Variants in YIPF4 observed in about 807,000 individuals in gnomAD.
YIPF4 encodes the protein protein YIPF4.
Under a neutral mutation model 29.4 loss-of-function variants are expected in YIPF4, and 18 were observed. The observed-to-expected ratio is 0.61, with a 90% CI of 0.42 to 0.91. YIPF4 has a LOEUF of 0.91. Ranked by LOEUF, YIPF4 falls within the 40% of genes least tolerant of loss-of-function variation. The pLI, the probability that YIPF4 is intolerant of heterozygous loss-of-function variation, is 0.00. For synonymous variants in YIPF4, 115 were observed against 104.7 expected (o/e 1.10, Z -0.60); for missense variants, 279 against 282.7 (o/e 0.99, Z 0.09).
chr2:32,293,895 A>C (rs1201099989), intron 3 of YIPF4, among the ~76,000 whole-genome samples: 3 of 88,466 alleles, frequency 3.4e-5, no homozygotes, highest in Admixed American at 1.2e-4. Context: ...CGGGGGGCTG[A>C]CCCCCCCCAC....
intron 1 of YIPF4, among the ~76,000 whole-genome samples, chr2:32,279,556 C>T (rs1000515344): frequency 6.8e-5 from 9 of 131,496 alleles, no homozygotes; most frequent in African/African-American, 1.9e-4. Flanking sequence ...CGCCACCACG[C>T]CCGGCTAATT....
At position 32,316,466 on chromosome 2, in the gene YIPF4, T is replaced by TA. The variant is rs1367386625; in HGVS notation, c.*10841dup. ...AGTATTGGTTGGGATTATAAGCAGA[T>TA]ATGATATTTCACTGATAGAGACCAG... On this transcript the variant is annotated 3_prime_UTR_variant, in exon 6 of 6. Transcript: ENST00000238831. 1.2e-4 allele frequency: 19 copies of TA among 152,214 alleles called. No homozygotes were observed. The highest frequency in any genetic ancestry group is 4.3e-4 in the African/African-American group (18 of 41,458). 9.4% of individuals were successfully genotyped at this position (152,214 alleles called of 1,614,324 possible).
Position 32,305,840 on chromosome 2 carries a change from T to G in YIPF4, c.*214T>G, listed in dbSNP as rs535251785. On this transcript the variant is annotated 3_prime_UTR_variant, in exon 6 of 6. Coordinates refer to ENST00000238831, the MANE Select transcript of YIPF4 (RefSeq NM_032312.4). Reference sequence around the variant, plus strand: ...TTTGGGTCAGAATTTTAAATTCTGTTTGATTCTCCATATTCCAGTGAATAA... The same window carrying G: ...TTTGGGTCAGAATTTTAAATTCTGTGTGATTCTCCATATTCCAGTGAATAA... The G allele has an allele frequency of 4.8e-5, 57 of 1,191,738 alleles. No individual in the cohort carries two copies. The highest frequency in any genetic ancestry group is 5.9e-5 in the Non-Finnish European group (57 of 963,696). The allele number at this position is 1,191,738 out of a possible 1,614,324, so 73.8% of individuals were successfully genotyped here.
chr2:32,287,347 C>G (rs2030722088), intron 1 of YIPF4, among the ~76,000 whole-genome samples: 1 of 152,114 alleles, frequency 6.6e-6, no homozygotes, highest in Non-Finnish European at 1.5e-5. Flanking sequence ...CACATATACA[C>G]AACTCTGGGT....
intron 1 of YIPF4, among the ~76,000 whole-genome samples, chr2:32,285,979 T>C (rs1384468560): frequency 6.6e-6 from 1 of 152,196 alleles, no homozygotes; most frequent in Admixed American, 6.5e-5. Context: ...ATATAGTATG[T>C]AATGGGTGCA....
At chr2:32,299,568 T>TC (rs1448929474) in intron 4 of YIPF4, among the ~76,000 whole-genome samples, 1 of 152,192 alleles carries the variant, frequency 6.6e-6, no homozygotes, top group Non-Finnish European at 1.5e-5. Context: ...ATACCTGTAG[T>TC]CCCAGCACTT....
At chr2:32,283,752 G>T (rs1210514864) in intron 1 of YIPF4, among the ~76,000 whole-genome samples, 2 of 148,294 alleles carry the variant, frequency 1.3e-5, no homozygotes, top group East Asian at 2.0e-4. Context: ...GAGTCTCGCT[G>T]TGTTGCCCGG....
intron 1 of YIPF4, among the ~76,000 whole-genome samples, chr2:32,283,198 T>C (rs1037322829): frequency 1.3e-5 from 2 of 152,204 alleles, no homozygotes; most frequent in African/African-American, 4.8e-5. Context: ...CTGCTTGGGT[T>C]TCAGTGTTAA....
At position 32,277,975 on chromosome 2, in the gene YIPF4, G is replaced by A; in HGVS notation, c.-181G>A. ...TGGTCGCCACCAAGAAGACTTTGGT[G>A]GGGTAGTCTCGGGGCAGCTCAGCGG... On this transcript the variant is annotated 5_prime_UTR_variant, in exon 1 of 6. Coordinates refer to ENST00000238831, the MANE Select transcript of YIPF4 (RefSeq NM_032312.4). 1.8e-6 allele frequency: 1 copy of A among 550,816 alleles called. No homozygotes were observed. Among genetic ancestry groups the A allele is most frequent in the Non-Finnish European group, 3.2e-6 (1 of 316,510 alleles). 34.1% of individuals were successfully genotyped at this position (550,816 alleles called of 1,614,324 possible).
At chr2:32,281,477 A>G (rs1366276397) in intron 1 of YIPF4, among the ~76,000 whole-genome samples, 1 of 152,086 alleles carries the variant, frequency 6.6e-6, no homozygotes, top group East Asian at 1.9e-4. Context: ...CCTGGGCTCA[A>G]GTGATCCACC....
At chr2:32,283,267 G>A (rs1205618615) in intron 1 of YIPF4, among the ~76,000 whole-genome samples, 1 of 151,782 alleles carries the variant, frequency 6.6e-6, no homozygotes, top group African/African-American at 2.4e-5. Context: ...GTACAACTCC[G>A]GGTCTTTTCC....
At chr2:32,284,005 T>C (rs1377601882) in intron 1 of YIPF4, among the ~76,000 whole-genome samples, 1 of 152,150 alleles carries the variant, frequency 6.6e-6, no homozygotes, top group Admixed American at 6.6e-5. Context: ...ATTACAGGCA[T>C]GAGTCACCAC....
At chr2:32,293,893 T>C (rs1573534694) in intron 3 of YIPF4, among the ~76,000 whole-genome samples, 2 of 108,530 alleles carry the variant, frequency 1.8e-5, no homozygotes, top group African/African-American at 3.7e-5. Flanking sequence ...GGCGGGGGGC[T>C]GACCCCCCCC....
At position 32,289,655 on chromosome 2, in the gene YIPF4, T is replaced by G. The variant is rs1347378883; in HGVS notation, c.80-828T>G. Among the ~76,000 whole-genome samples, 5 of 152,344 alleles carry G rather than the reference T, an allele frequency of 3.3e-5. No homozygotes were observed. The East Asian group carries it at 9.6e-4, about 29-fold the overall frequency. On this transcript the variant is annotated intron_variant, in intron 1 of 5. Coordinates refer to ENST00000238831, the MANE Select transcript of YIPF4 (RefSeq NM_032312.4). Reference sequence around the variant, plus strand: ...CAGGCAAATCCTTAACTATTTCCATTTTTTAACTAGCAAAGATGGCATTAG... The same window carrying G: ...CAGGCAAATCCTTAACTATTTCCATGTTTTAACTAGCAAAGATGGCATTAG...
intron 1 of YIPF4, among the ~76,000 whole-genome samples, chr2:32,281,245 T>G (rs932476068): frequency 9.9e-5 from 15 of 151,946 alleles, no homozygotes; most frequent in African/African-American, 3.6e-4. Context: ...ATCTTTTTTT[T>G]TTTTTCCTTT....
At chr2:32,294,820 C>A (rs1464810127) in intron 3 of YIPF4, among the ~76,000 whole-genome samples, 1 of 152,244 alleles carries the variant, frequency 6.6e-6, no homozygotes, top group Admixed American at 6.5e-5. Context: ...ATCCCGGCAC[C>A]TCCGGAGGCC....
chr2:32,290,278 C>T (rs962888946), intron 1 of YIPF4, among the ~76,000 whole-genome samples: 1 of 152,076 alleles, frequency 6.6e-6, no homozygotes, highest in African/African-American at 2.4e-5. Flanking sequence ...CGTTTTTTCA[C>T]TTCTTTCATC....
intron 1 of YIPF4, among the ~76,000 whole-genome samples, chr2:32,286,634 C>G (rs774999761): frequency 9.9e-5 from 15 of 152,176 alleles, no homozygotes; most frequent in Non-Finnish European, 1.9e-4. Context: ...CAACCTCCAC[C>G]TCCCGGGCTC....
At position 32,301,387 on chromosome 2, in the gene YIPF4, A is replaced by G; in HGVS notation, c.489A>G (p.Ala163=). ...GAAATTTTCAAAATTCACAGGTTGC[A>G]TATGGCCAAGTCCTTGGAGTTATAG... The part of the protein sequence containing the change: ...LLARVLGGEV[A]YGQVLGVIGY... The change falls in exon 5 of 6, where the codon GCA becomes GCG. Residue 163 remains alanine (A), a synonymous_variant. Coordinates refer to ENST00000238831, the MANE Select transcript of YIPF4 (RefSeq NM_032312.4). The G allele has an allele frequency of 6.3e-7, 1 of 1,597,980 alleles. No homozygotes were observed. The highest frequency in any genetic ancestry group is 8.5e-7 in the Non-Finnish European group (1 of 1,173,288).
Sources: allele counts gnomAD v4.1 joint callset (sites outside exome capture counted in the v4.1 genomes callset), GRCh38; gene constraint gnomAD v4.1.1; transcripts MANE v1.5; gene names NCBI Gene and HGNC (gene_info 2026-07-23, HGNC 2026-07-21).